RPS19BP1: variants seen among roughly 807,000 people sequenced by gnomAD.
RPS19BP1 encodes the protein ribosomal protein S19 binding protein 1, also known as active regulator of SIRT1.
In RPS19BP1, 14 loss-of-function variants were observed where a neutral mutation model predicts 16.6. The ratio of observed to expected loss-of-function variants is 0.84; its 90% CI spans 0.56 to 1.32. The LOEUF is 1.32. Ranked by LOEUF, RPS19BP1 falls within the 40% of genes most tolerant of loss-of-function variation. The probability of loss-of-function intolerance (pLI) is 0.00; values close to 1 mark genes in which losing one functional copy is unlikely to be tolerated. For missense variants in RPS19BP1, 188 were observed against 178.6 expected, an observed-to-expected ratio of 1.05 and a Z score of -0.30; for synonymous variants, 90 against 77.3, an observed-to-expected ratio of 1.16 and a Z score of -0.86.
At position 39,529,492 on chromosome 22, in the gene RPS19BP1, C is replaced by A; in HGVS notation, c.411G>T (p.Ter137TyrextTer7). 6.2e-7 allele frequency: 1 copy of A among 1,614,178 alleles called. No individual in the cohort carries two copies. Residue 137 changes from the stop codon to tyrosine (Y), a stop_lost, in exon 4 of 4, where the codon TAG (stop) becomes TAT (tyrosine). Coordinates refer to ENST00000334678, the MANE Select transcript of RPS19BP1 (RefSeq NM_194326.4). Reference sequence around the variant, plus strand: ...CTCTTCACCGTGCCCTCCAGGGAGCCTAGCTGCCGAAGTATTCCTGCTGGA... The same window carrying A: ...CTCTTCACCGTGCCCTCCAGGGAGCATAGCTGCCGAAGTATTCCTGCTGGA... ...QKFQQEYFGS[*>Y]
Position 39,529,324 on chromosome 22 carries a change from C to T in RPS19BP1, c.*168G>A. 2 of 897,270 alleles carry T rather than the reference C, an allele frequency of 2.2e-6. No homozygotes were observed. The highest frequency in any genetic ancestry group is 3.3e-6 in the Non-Finnish European group (2 of 601,404). 55.6% of individuals were successfully genotyped at this position (897,270 alleles called of 1,614,324 possible). A position where few individuals can be genotyped will look rare whatever the true frequency, so the allele number is the denominator to read the frequency against. On this transcript the variant is annotated 3_prime_UTR_variant, in exon 4 of 4. Transcript: ENST00000334678. The stretch of plus-strand genomic sequence containing the variant: ...TGTAAATCCTCCCCAGGACTTCCGG[C>T]CCACCAGCTCCATTCCAGCCTCCAC...
Position 39,529,577 on chromosome 22 carries a change from G to C in RPS19BP1, c.326C>G (p.Ala109Gly). 6.2e-7 allele frequency: 1 copy of C among 1,614,186 alleles called. No individual in the cohort carries two copies. Among genetic ancestry groups the C allele is most frequent in the Non-Finnish European group, 8.5e-7 (1 of 1,180,022 alleles). ...RGRKACDRPV[A>G]KTKKKKAEGT... The stretch of plus-strand genomic sequence containing the variant: ...CTCAGCCTTCTTCTTCTTGGTCTTG[G>C]CCACAGGCCGGTCACAGGCCTTGCG... Residue 109 changes from alanine (A) to glycine (G), a missense_variant, in exon 4 of 4, where the codon GCC (alanine) becomes GGC (glycine). Physicochemically the swap from Ala to Gly is moderately conservative, Grantham distance 60. Transcript: ENST00000334678.
chr22:39,531,720 G>A (rs940171117), intron 2 of RPS19BP1: 1 of 152,302 alleles, frequency 6.6e-6, no homozygotes, highest in Non-Finnish European at 1.5e-5. Context: ...CACAATGCCC[G>A]GGCAGCCACA....
chr22:39,529,757 T>A, intron 3 of RPS19BP1, 63 bp downstream of exon 3: 1 of 1,598,468 alleles, frequency 6.3e-7, no homozygotes, highest in Non-Finnish European at 8.6e-7. Context: ...CCGCCATGGG[T>A]CCCTAGGGGA....
intron 2 of RPS19BP1, 46 bp from the exon 3 acceptor site, chr22:39,529,963 G>A (rs763984582): frequency 6.7e-7 from 1 of 1,493,952 alleles, no homozygotes; most frequent in African/African-American, 1.4e-5. Flanking sequence ...CACTCCCCCT[G>A]GAACCATTCT....
At chr22:39,530,609 C>T in intron 2 of RPS19BP1, 1 of 220,750 alleles carries the variant, frequency 4.5e-6, no homozygotes. Context: ...CCTGTAATCC[C>T]AGCTACTCGG....
In RPS19BP1 at chr22:39,529,374, G is replaced by T; in HGVS notation, c.*118C>A. The T allele has an allele frequency of 7.2e-7, 1 of 1,393,454 alleles. No individual in the cohort carries two copies. The highest frequency in any genetic ancestry group is 9.7e-7 in the Non-Finnish European group (1 of 1,027,390). 86.3% of individuals were successfully genotyped at this position (1,393,454 alleles called of 1,614,324 possible). The stretch of plus-strand genomic sequence containing the variant: ...CTCGGCTCAGCTCCGCGGCTTCCTC[G>T]AGCCAGGCTGGTCCTGCATCGCCAT... On this transcript the variant is annotated 3_prime_UTR_variant, in exon 4 of 4. Coordinates refer to ENST00000334678, the MANE Select transcript of RPS19BP1 (RefSeq NM_194326.4).
intron 1 of RPS19BP1, 33 bp from the exon 2 acceptor site, chr22:39,532,556 C>G: frequency 6.2e-7 from 1 of 1,612,644 alleles, no homozygotes; most frequent in Non-Finnish European, 8.5e-7. Flanking sequence ...AGACCCAGGT[C>G]AGAGGGCGCG....
At chr22:39,530,268 G>A (rs997839106) in intron 2 of RPS19BP1, 2 of 289,516 alleles carry the variant, frequency 6.9e-6, no homozygotes, top group African/African-American at 2.2e-5. Flanking sequence ...AATTCCAGGG[G>A]TGGAGGGTGC....
chr22:39,532,683 T>C lies in RPS19BP1; in HGVS notation c.52+4A>G, dbSNP rs1194292132. On this transcript the variant is annotated splice_donor_region_variant and intron_variant, in intron 1 of 3. Transcript: ENST00000334678. ...CCGGACGTCCCCTGGCCAGCCCTCCTCACCCTCGGACGCCGCCAGCAGCTC... is the reference window on the plus strand; with the variant it reads ...CCGGACGTCCCCTGGCCAGCCCTCCCCACCCTCGGACGCCGCCAGCAGCTC... 6.5e-7 allele frequency: 1 copy of C among 1,547,912 alleles called. No homozygotes were observed. The highest frequency in any genetic ancestry group is 8.7e-7 in the Non-Finnish European group (1 of 1,149,976).
intron 2 of RPS19BP1, 86 bp downstream of exon 2, chr22:39,532,309 C>G: frequency 1.9e-6 from 3 of 1,595,814 alleles, no homozygotes; most frequent in Non-Finnish European, 2.6e-6. Context: ...CGGGCGAACG[C>G]TTCAAGCCCT....
chr22:39,529,948 A>G (rs1448780055), intron 2 of RPS19BP1, 31 bp from the exon 3 acceptor site: 2 of 1,553,696 alleles, frequency 1.3e-6, no homozygotes, highest in South Asian at 1.1e-5. Context: ...GCACCATTTC[A>G]GATTCACTCC....
rs11557838 is a variant in RPS19BP1 at position 39,529,873 on chromosome 22, G to A, written c.226C>T (p.Leu76=). 1 of 1,614,198 alleles carries A rather than the reference G, an allele frequency of 6.2e-7. No homozygotes were observed. The highest frequency in any genetic ancestry group is 8.5e-7 in the Non-Finnish European group (1 of 1,180,044). The change falls in exon 3 of 4, where the codon CTG becomes TTG. Residue 76 remains leucine, a synonymous_variant. Coordinates refer to ENST00000334678, the MANE Select transcript of RPS19BP1 (RefSeq NM_194326.4). ...CTTCTCGTCCTGGTCAGAAACTTCA[G>A]GTTTACTCTGAGGTGGTCTCGACAC... is the stretch of plus-strand genomic sequence containing the variant. ...RECRDHLRVN[L]KFLTRTRSTV... is the part of the protein sequence containing the mutation.
intron 2 of RPS19BP1, 129 bp downstream of exon 2, chr22:39,532,266 T>C: frequency 1.5e-6 from 2 of 1,375,388 alleles, no homozygotes; most frequent in Non-Finnish European, 2.0e-6. Context: ...AGGGCCCCGC[T>C]CCGCGCCTGG....
chr22:39,530,115 C>A, intron 2 of RPS19BP1, 198 bp from the exon 3 acceptor site: 1 of 599,934 alleles, frequency 1.7e-6, no homozygotes, highest in Non-Finnish European at 3.0e-6. Flanking sequence ...CCCCCATTTT[C>A]CAACAATTAT....
intron 2 of RPS19BP1, 47 bp from the exon 3 acceptor site, chr22:39,529,964 G>C: frequency 1.3e-6 from 2 of 1,490,888 alleles, no homozygotes; most frequent in Non-Finnish European, 1.9e-6. Context: ...ACTCCCCCTG[G>C]AACCATTCTC....
At chr22:39,529,961 CT>C (rs763855307) in intron 2 of RPS19BP1, 44 bp from the exon 3 acceptor site, 4 of 1,503,552 alleles carry the variant, frequency 2.7e-6, no homozygotes, top group Non-Finnish European at 3.7e-6. Context: ...TTCACTCCCC[CT>C]GGAACCATTC....
Position 39,532,511 on chromosome 22 carries a change from G to C in RPS19BP1, c.65C>G (p.Pro22Arg). Residue 22 changes from proline to arginine, a missense_variant, in exon 2 of 4, where the codon CCT (proline) becomes CGT (arginine). By Grantham distance (103) the Pro-to-Arg change is moderately radical. Coordinates refer to ENST00000334678, the MANE Select transcript of RPS19BP1 (RefSeq NM_194326.4). ...LLAASEAPRD[P>R]PGQAKPRGAP... ...CCCTCTCGGCTTGGCCTGACCTGGA[G>C]GGTCCCGGGGGGCTGTAGGGGAAGA... is the stretch of plus-strand genomic sequence containing the variant. The C allele has an allele frequency of 1.2e-6, 2 of 1,614,048 alleles. No individual in the cohort carries two copies. The highest frequency in any genetic ancestry group is 1.3e-5 in the African/African-American group (1 of 75,058).
At chr22:39,532,105 C>T (rs1185334920) in intron 2 of RPS19BP1, 1 of 383,470 alleles carries the variant, frequency 2.6e-6, no homozygotes, top group Non-Finnish European at 4.7e-6. Context: ...GCCTAAGTCC[C>T]CATCAGAGTA....
Sources: gnomAD v4.1 joint callset for allele counts on GRCh38, gnomAD v4.1.1 for gene constraint, MANE v1.5 for transcripts, NCBI Gene and HGNC (gene_info 2026-07-23, HGNC 2026-07-21) for gene names.